Variants in KCNMA1 observed in about 807,000 individuals in gnomAD.
KCNMA1 encodes the protein Calcium-activated potassium channel subunit alpha-1.
A neutral mutation model predicts 140.0 loss-of-function variants in KCNMA1; 29 were observed. The observed-to-expected ratio is 0.21, with a 90% CI of 0.15 to 0.28. KCNMA1 has a LOEUF of 0.28. KCNMA1 is among the 10% of genes least tolerant of loss of function. KCNMA1 has a pLI of 1.00. For synonymous variants in KCNMA1, 612 were observed against 611.9 expected (o/e 1.00, Z 0.00); for missense variants, 880 against 1,602.2 (o/e 0.55, Z 7.70).
At chr10:77,256,413 G>C (rs1398781609) in intron 2 of KCNMA1, among the ~76,000 whole-genome samples, 2 of 152,206 alleles carry the variant, frequency 1.3e-5, no homozygotes, top group African/African-American at 4.8e-5. Context: ...TGAGCTGGGG[G>C]AGGGGAAGTC....
chr10:76,952,835 G>A (rs1463410303), intron 21 of KCNMA1, among the ~76,000 whole-genome samples: 1 of 152,216 alleles, frequency 6.6e-6, no homozygotes, highest in Non-Finnish European at 1.5e-5. Context: ...CATCAGAAAT[G>A]ATAGGATTTT....
At chr10:77,287,512 T>G (rs1015313965) in intron 2 of KCNMA1, among the ~76,000 whole-genome samples, 1 of 152,236 alleles carries the variant, frequency 6.6e-6, no homozygotes, top group Non-Finnish European at 1.5e-5. Context: ...TAAATTTGAC[T>G]ATAGAGCATT....
chr10:77,082,015 T>TTTTG (rs2096589068), intron 12 of KCNMA1, among the ~76,000 whole-genome samples: 1 of 50,010 alleles, frequency 2.0e-5, no homozygotes, highest in Non-Finnish European at 3.9e-5. Flanking sequence ...TTCTTTTTTT[T>TTTTG]TTTTTTTTTT....
chr10:77,132,844 T>G (rs752132552), intron 5 of KCNMA1, among the ~76,000 whole-genome samples: 15 of 151,876 alleles, frequency 9.9e-5, no homozygotes, highest in Non-Finnish European at 1.8e-4. Flanking sequence ...GAAAGAAAAA[T>G]AAATCCAAAA....
At chr10:77,472,000 C>T (rs1005845533) in intron 1 of KCNMA1, among the ~76,000 whole-genome samples, 11 of 147,580 alleles carry the variant, frequency 7.5e-5, no homozygotes, top group Admixed American at 6.1e-4. Context: ...CATACACACA[C>T]CACACACACA....
intron 5 of KCNMA1, among the ~76,000 whole-genome samples, chr10:77,168,325 C>A (rs907106136): frequency 6.6e-6 from 1 of 152,110 alleles, no homozygotes; most frequent in Non-Finnish European, 1.5e-5. Context: ...CCAATACCTG[C>A]CACAAAATAT....
At chr10:77,407,764 A>G (rs2154472522) in intron 1 of KCNMA1, among the ~76,000 whole-genome samples, 1 of 152,306 alleles carries the variant, frequency 6.6e-6, no homozygotes, top group South Asian at 2.1e-4. Flanking sequence ...AGCTTGGCAC[A>G]GTCCCGGGCA....
At chr10:77,339,470 T>G (rs1218643502) in intron 2 of KCNMA1, among the ~76,000 whole-genome samples, 1 of 152,070 alleles carries the variant, frequency 6.6e-6, no homozygotes, top group East Asian at 1.9e-4. Flanking sequence ...GATGTGACTG[T>G]GTTTGTATCT....
At chr10:77,558,532 C>T (rs1014453136) in intron 1 of KCNMA1, among the ~76,000 whole-genome samples, 1 of 152,144 alleles carries the variant, frequency 6.6e-6, no homozygotes, top group Non-Finnish European at 1.5e-5. Flanking sequence ...ACCACAGCTT[C>T]TGGATGGTTC....
intron 5 of KCNMA1, among the ~76,000 whole-genome samples, chr10:77,130,432 T>G (rs1167674552): frequency 1.3e-5 from 2 of 152,184 alleles, no homozygotes; most frequent in Admixed American, 6.5e-5. Flanking sequence ...TTCTCAAACT[T>G]AAAATATTTT....
At chr10:77,264,806 T>A (rs893525459) in intron 2 of KCNMA1, among the ~76,000 whole-genome samples, 2 of 152,132 alleles carry the variant, frequency 1.3e-5, no homozygotes. Context: ...CCATCCCTCA[T>A]CCACTCCATC....
chr10:77,618,901 A>G (rs944195140), intron 1 of KCNMA1, among the ~76,000 whole-genome samples: 1 of 152,220 alleles, frequency 6.6e-6, no homozygotes, highest in Non-Finnish European at 1.5e-5. Context: ...GAAGGGGAGA[A>G]GGAGGACAAG....
At chr10:77,430,421 C>G (rs138460961) in intron 1 of KCNMA1, among the ~76,000 whole-genome samples, 1 of 152,334 alleles carries the variant, frequency 6.6e-6, no homozygotes, top group East Asian at 1.9e-4. Flanking sequence ...TCAAAACCCT[C>G]TTTGGAAAAA....
At chr10:77,436,337 T>G (rs1278041565) in intron 1 of KCNMA1, among the ~76,000 whole-genome samples, 1 of 152,228 alleles carries the variant, frequency 6.6e-6, no homozygotes, top group African/African-American at 2.4e-5. Flanking sequence ...GAATTGGAGT[T>G]GACTATTTAT....
At chr10:77,445,365 G>GACACACAC (rs33995063) in intron 1 of KCNMA1, among the ~76,000 whole-genome samples, 15 of 141,172 alleles carry the variant, frequency 1.1e-4, no homozygotes, top group African/African-American at 3.8e-4. Flanking sequence ...CACATACACA[G>GACACACAC]ACACACACAC....
intron 1 of KCNMA1, among the ~76,000 whole-genome samples, chr10:77,416,164 C>A (rs3862500): frequency 3.9e-5 from 6 of 152,054 alleles, no homozygotes; most frequent in Non-Finnish European, 8.8e-5. Context: ...AGGTTCCCCT[C>A]GAAAAATGTG....
At chr10:77,480,938 TG>T (rs1223520045) in intron 1 of KCNMA1, among the ~76,000 whole-genome samples, 2 of 147,438 alleles carry the variant, frequency 1.4e-5, no homozygotes, top group African/African-American at 5.1e-5. Flanking sequence ...GGTGAAATCC[TG>T]TCTCTACTAA....
intron 23 of KCNMA1, among the ~76,000 whole-genome samples, chr10:76,929,394 G>A (rs1016152743): frequency 2.0e-5 from 3 of 152,060 alleles, no homozygotes; most frequent in Non-Finnish European, 4.4e-5. Flanking sequence ...CTCTCAAATG[G>A]ACACCCCCTG....
At chr10:77,166,047 T>C (rs2098638260) in intron 5 of KCNMA1, among the ~76,000 whole-genome samples, 2 of 152,298 alleles carry the variant, frequency 1.3e-5, no homozygotes, top group South Asian at 4.1e-4. Flanking sequence ...GGTCAGTGCA[T>C]GGAAAAGCTG....
Sources: gnomAD v4.1 joint callset for allele counts (sites outside exome capture counted in the v4.1 genomes callset) on GRCh38, gnomAD v4.1.1 for gene constraint, MANE v1.5 for transcripts, NCBI Gene and HGNC (gene_info 2026-07-23, HGNC 2026-07-21) for gene names.